Variants in TRIP11 observed in about 807,000 individuals in gnomAD.
TRIP11 encodes the protein thyroid receptor-interacting protein 11.
A neutral mutation model predicts 223.1 loss-of-function variants in TRIP11; 148 were observed. The observed-to-expected ratio is 0.66, with a 90% confidence interval of 0.58 to 0.76. The LOEUF (loss-of-function observed/expected upper bound fraction) is 0.76, where lower values mean the gene tolerates loss of function less well. TRIP11 is among the 30% of genes least tolerant of loss of function. The pLI is 0.00. For missense variants in TRIP11, 2,043 were observed against 2,222.0 expected (o/e 0.92, Z 1.62); for synonymous variants, 762 against 772.6 (o/e 0.99, Z 0.23).
At chr14:92,015,441 C>T (rs2057023522) in intron 6 of TRIP11, among the ~76,000 whole-genome samples, 1 of 151,948 alleles carries the variant, frequency 6.6e-6, no homozygotes, top group Admixed American at 6.6e-5. Flanking sequence ...GGTGGACCAC[C>T]CGAGATCACG....
intron 5 of TRIP11, 128 bp from the exon 6 acceptor site, chr14:92,015,989 A>C (rs1025512722): frequency 1.1e-6 from 1 of 923,274 alleles, no homozygotes; most frequent in African/African-American, 1.7e-5. Context: ...GCTGAAAAGA[A>C]TTTAAACACA....
In TRIP11 at chr14:91,969,894, C is replaced by A; in HGVS notation, c.5720-1G>T. On this transcript the variant is annotated splice_acceptor_variant, in intron 20 of 20. Transcript: ENST00000267622. LOFTEE classifies it high-confidence loss of function. ...CTACCAGACCTGGATTCTGCTGTATCTAAAGAATAAAATATGGATTTAGTC... is the reference window on the plus strand; with the variant it reads ...CTACCAGACCTGGATTCTGCTGTATATAAAGAATAAAATATGGATTTAGTC... The A allele has an allele frequency of 1.2e-6, 2 of 1,612,950 alleles. No individual in the cohort carries two copies. The highest frequency in any genetic ancestry group is 2.2e-5 in the South Asian group (2 of 90,856).
In TRIP11 at chr14:92,005,212, G is replaced by C. The variant is rs775944391; in HGVS notation, c.2764C>G (p.Gln922Glu). The change falls in exon 11 of 21, where the codon CAA becomes GAA. Residue 922 changes from glutamine to glutamate, a missense_variant. Transcript: ENST00000267622. ...AGTAGTTGCATCTTACTCTGGTTTTGATCTTCAATTATCTTTTGATGATGT... is the reference window on the plus strand; with the variant it reads ...AGTAGTTGCATCTTACTCTGGTTTTCATCTTCAATTATCTTTTGATGATGT... ...IKHHQKIIED[Q>E]NQSKMQLLQS... is the part of the protein sequence containing the mutation. 1.9e-6 allele frequency: 3 copies of C among 1,614,054 alleles called. No individual in the cohort carries two copies. In the Admixed American group the frequency reaches 5.0e-5, roughly 27 times the overall value.
chr14:92,012,384 C>A (rs556380504), intron 7 of TRIP11, among the ~76,000 whole-genome samples: 13 of 152,152 alleles, frequency 8.5e-5, no homozygotes, highest in Non-Finnish European at 1.3e-4. Context: ...AGGCCAGGTG[C>A]TAGACAAAAA....
rs746091197 is a variant in TRIP11, at chr14:92,005,749, TG to T, written c.2226del (p.Ile743LeufsTer10). On this transcript the variant is annotated frameshift_variant, in exon 11 of 21. Transcript: ENST00000267622. LOFTEE classifies it high-confidence loss of function. ...LLEEANKYEK[T>X]IEELSNARNL... is the part of the protein sequence containing the mutation. Reference sequence around the variant, plus strand: ...TTACGTGCATTTGACAGTTCTTCAATGGTTTTCTCATACTTGTTTGCTTCTT... The same window carrying T: ...TTACGTGCATTTGACAGTTCTTCAATGTTTTCTCATACTTGTTTGCTTCTT... 6.2e-7 allele frequency: 1 copy of T among 1,614,120 alleles called. No homozygotes were observed. Among genetic ancestry groups the T allele is most frequent in the Non-Finnish European group, 8.5e-7 (1 of 1,180,022 alleles).
At chr14:92,035,530 G>T (rs1826798545) in intron 1 of TRIP11, among the ~76,000 whole-genome samples, 1 of 143,442 alleles carries the variant, frequency 7.0e-6, no homozygotes, top group African/African-American at 2.6e-5. Context: ...TCGCTAATGA[G>T]CTTTAAAAAA....
In TRIP11 at chr14:92,021,617, C is replaced by T. The variant is rs773543181; in HGVS notation, c.527G>A (p.Arg176Gln). 44 of 1,613,958 alleles carry T rather than the reference C, an allele frequency of 2.7e-5. No homozygotes were observed. The highest frequency in any genetic ancestry group is 3.4e-5 in the Non-Finnish European group (40 of 1,180,034). Residue 176 changes from arginine to glutamine, a missense_variant, in exon 4 of 21, where the codon CGA becomes CAA. Physicochemically the swap from Arg to Gln is conservative, Grantham distance 43 (BLOSUM62 1). Coordinates refer to ENST00000267622, the MANE Select transcript of TRIP11 (RefSeq NM_004239.4). ...DIISSQQEIN[R>Q]LSNEVSRLES... is the part of the protein sequence containing the mutation. ...AAGTCTTGAAACTTCATTTGAGAGT[C>T]GGTTTATTTCTTGTTGGGATGAAAT...
chr14:92,014,217 G>A lies in TRIP11; in HGVS notation c.1184C>T (p.Ser395Phe), dbSNP rs759965071. The A allele has an allele frequency of 1.6e-5, 26 of 1,613,818 alleles. No individual in the cohort carries two copies. Among genetic ancestry groups the A allele is most frequent in the Middle Eastern group, 1.6e-4 (1 of 6,080 alleles). Reference protein sequence around the residue: ...EEVFRLQQALSDAENEIMRLS... With the variant: ...EEVFRLQQALFDAENEIMRLS... Reference sequence around the variant, plus strand: ...AATAAGTTCCAAAGACTGTATACCAGACAGTGCTTGTTGTAGTCTGAACAC... The same window carrying A: ...AATAAGTTCCAAAGACTGTATACCAAACAGTGCTTGTTGTAGTCTGAACAC... Residue 395 changes from serine to phenylalanine, a missense_variant and splice_region_variant, in exon 7 of 21, where the codon TCT becomes TTT. By Grantham distance (155) the Ser-to-Phe change is radical (BLOSUM62 -2). Coordinates refer to ENST00000267622, the MANE Select transcript of TRIP11 (RefSeq NM_004239.4).
intron 20 of TRIP11, among the ~76,000 whole-genome samples, chr14:91,972,269 G>A (rs1023816236): frequency 6.6e-6 from 1 of 152,120 alleles, no homozygotes; most frequent in Non-Finnish European, 1.5e-5. Flanking sequence ...GCCAATGTTT[G>A]GTTACTGAGT....
At chr14:91,969,992 G>T in intron 20 of TRIP11, 99 bp from the exon 21 acceptor site, 1 of 1,180,144 alleles carries the variant, frequency 8.5e-7, no homozygotes, top group Non-Finnish European at 1.2e-6. Context: ...GTGTAATATT[G>T]TTAAATTGAT....
chr14:92,025,454 G>A (rs757245627), intron 2 of TRIP11, 34 bp from the exon 3 acceptor site: 7 of 1,486,132 alleles, frequency 4.7e-6, no homozygotes, highest in South Asian at 4.5e-5. Flanking sequence ...CAAAAAGACT[G>A]CAAGTAAAAC....
chr14:91,967,787 A>G lies in TRIP11; in HGVS notation c.*1886T>C, dbSNP rs1380525547. 2.0e-4 allele frequency: 39 copies of G among 194,590 alleles called. No individual in the cohort carries two copies. The Admixed American group carries it at 2.4e-3, about 12-fold the overall frequency. The allele number at this position is 194,590 out of a possible 1,614,324, so 12.1% of individuals were successfully genotyped here. A position where few individuals can be genotyped will look rare whatever the true frequency, so the allele number is the denominator to read the frequency against. ...TTTCTCCACACTGAAATGAAATTTC[A>G]ATGGCAAGCAGCAAATAATGTAGGA... On this transcript the variant is annotated 3_prime_UTR_variant, in exon 21 of 21. Transcript: ENST00000267622.
chr14:92,038,263 G>A (rs1218620593), intron 1 of TRIP11, among the ~76,000 whole-genome samples: 3 of 152,160 alleles, frequency 2.0e-5, no homozygotes, highest in Non-Finnish European at 4.4e-5. Context: ...GTTGAGGGAT[G>A]CATATTCTCT....
chr14:91,984,025 T>C (rs991873621), intron 16 of TRIP11, among the ~76,000 whole-genome samples: 9 of 152,194 alleles, frequency 5.9e-5, no homozygotes, highest in Non-Finnish European at 1.2e-4. Context: ...CTAGATTTTC[T>C]TTTAAAAAAT....
chr14:91,978,033 GAGGGAGAGAGAGAA>G lies in TRIP11; in HGVS notation c.5261-1858_5261-1845del, dbSNP rs2056490301. 6.6e-6 allele frequency among the ~76,000 whole-genome samples: 1 copy of G among 152,116 alleles called. No homozygotes were observed. The highest frequency in any genetic ancestry group is 2.1e-4 in the South Asian group (1 of 4,828). ...GTAAGGAATTTAAACTTGGACGAGA[GAGGGAGAGAGAGAA>G]GGGGAGAGAGAGGGCGAAAAGGTGG... On this transcript the variant is annotated intron_variant, in intron 16 of 20. Coordinates refer to ENST00000267622, the MANE Select transcript of TRIP11 (RefSeq NM_004239.4). This position sits in a 1 kb window ranked among gnomAD's most constrained non-coding sequence, Gnocchi z 4.4.
At position 91,999,174 on chromosome 14, in the gene TRIP11, T is replaced by C; in HGVS notation, c.4892+66A>G. On this transcript the variant is annotated intron_variant, in intron 13 of 20. Transcript: ENST00000267622. ...CAAGGATGAGCTAACATACAAAAAA[T>C]ACTTACTGAGTCTGATATTTAAGAA... 4 of 1,534,492 alleles carry C rather than the reference T, an allele frequency of 2.6e-6. No homozygotes were observed. The South Asian group carries it at 3.5e-5, about 13-fold the overall frequency.
At chr14:92,014,652 G>A (rs1170716487) in intron 6 of TRIP11, 75 bp from the exon 7 acceptor site, 13 of 1,481,484 alleles carry the variant, frequency 8.8e-6, no homozygotes, top group Non-Finnish European at 1.1e-5. Flanking sequence ...ATACAACTAA[G>A]AGATATAAGA....
At position 92,005,570 on chromosome 14, in the gene TRIP11, C is replaced by T; in HGVS notation, c.2406G>A (p.Glu802=). The change falls in exon 11 of 21, where the codon GAG becomes GAA. Residue 802 remains glutamate (E), a synonymous_variant. Coordinates refer to ENST00000267622, the MANE Select transcript of TRIP11 (RefSeq NM_004239.4). ...TKDVLSSSLE[E]QKQLTQLINK... is the part of the protein sequence containing the mutation. ...TTATAAGTTGTGTCAACTGCTTCTG[C>T]TCTTCTAAACTAGATGACAAAACGT... 2 of 1,612,522 alleles carry T rather than the reference C, an allele frequency of 1.2e-6. No individual in the cohort carries two copies. The highest frequency in any genetic ancestry group is 1.3e-5 in the African/African-American group (1 of 74,812).
intron 1 of TRIP11, among the ~76,000 whole-genome samples, chr14:92,033,757 TAA>T (rs2057294267): frequency 6.6e-6 from 1 of 152,182 alleles, no homozygotes; most frequent in South Asian, 2.1e-4. Context: ...TTTTCCAGAC[TAA>T]GAGTTTTTAA....
Sources: allele counts gnomAD v4.1 joint callset (sites outside exome capture counted in the v4.1 genomes callset), GRCh38; gene constraint gnomAD v4.1.1; non-coding constraint Gnocchi (gnomAD v3.1); transcripts MANE v1.5; gene names NCBI Gene and HGNC (gene_info 2026-07-23, HGNC 2026-07-21).